The following ODAD2 variants were observed in gnomAD, a reference collection of about 807,000 sequenced individuals.
The protein encoded by ODAD2 is outer dynein arm docking complex subunit 2.
A neutral mutation model predicts 106.8 loss-of-function variants in ODAD2; 89 were observed. That is an observed-to-expected ratio of 0.83 (90% confidence interval 0.70 to 0.99). ODAD2 has a LOEUF of 0.99. Ranked by LOEUF, ODAD2 falls within the 50% of genes least tolerant of loss-of-function variation. The pLI is 0.00. For synonymous variants in ODAD2, 404 were observed against 436.2 expected (o/e 0.93, Z 0.92); for missense variants, 1,168 against 1,238.5 (o/e 0.94, Z 0.85).
rs186030758 is a variant in ODAD2 at position 27,963,100 on chromosome 10, C to T, written c.1239-1385G>A. The stretch of plus-strand genomic sequence containing the variant: ...TTGGCTCACTGCAACCTCCGCCTGC[C>T]GGGTTCATGTGATTCTCCTGCCTCA... On this transcript the variant is annotated intron_variant, in intron 9 of 19. Coordinates refer to ENST00000305242, the MANE Select transcript of ODAD2 (RefSeq NM_018076.5). Among the ~76,000 whole-genome samples, 888 of 151,874 alleles carry T rather than the reference C, an allele frequency of 5.8e-3. 5 individuals are homozygous for T. Among genetic ancestry groups the T allele is most frequent in the African/African-American group, 0.02 (839 of 41,396 alleles).
At chr10:27,954,621 C>T (rs1307671638) in intron 10 of ODAD2, among the ~76,000 whole-genome samples, 9 of 152,190 alleles carry the variant, frequency 5.9e-5, no homozygotes, top group African/African-American at 1.4e-4. Flanking sequence ...AGCTAGTGGT[C>T]GCATAAACTG....
intron 1 of ODAD2, 101 bp downstream of exon 1, chr10:27,998,893 C>G (rs1850720394): frequency 6.5e-6 from 1 of 152,956 alleles, no homozygotes; most frequent in South Asian, 2.0e-4. Context: ...CGCCGGCGCC[C>G]TTGTGGGAGG....
intron 10 of ODAD2, chr10:27,958,889 G>T: frequency 4.6e-6 from 6 of 1,303,886 alleles, no homozygotes; most frequent in Non-Finnish European, 6.1e-6. Context: ...TCTTTCCAAC[G>T]TCAAAGATCA....
At chr10:27,881,272 T>G (rs1841687722) in intron 17 of ODAD2, among the ~76,000 whole-genome samples, 1 of 152,184 alleles carries the variant, frequency 6.6e-6, no homozygotes, top group Non-Finnish European at 1.5e-5. Flanking sequence ...TGATTCCACA[T>G]GTCATTAACC....
At chr10:27,862,373 A>G (rs542089225) in intron 18 of ODAD2, 61 bp downstream of exon 18, 6 of 1,349,680 alleles carry the variant, frequency 4.4e-6, no homozygotes, top group Non-Finnish European at 6.0e-6. Flanking sequence ...CATTGTTTTC[A>G]TCACTACACC....
chr10:27,850,466 A>G (rs1016193822), intron 19 of ODAD2, among the ~76,000 whole-genome samples: 2 of 142,014 alleles, frequency 1.4e-5, no homozygotes, highest in South Asian at 2.3e-4. Context: ...AAAAAAAAAA[A>G]GAATCACTTG....
chr10:27,866,025 T>C (rs1359870010), intron 17 of ODAD2, among the ~76,000 whole-genome samples: 3 of 152,240 alleles, frequency 2.0e-5, no homozygotes, highest in Non-Finnish European at 4.4e-5. Flanking sequence ...CTTTGTAAAA[T>C]TCTACAATAA....
At chr10:27,928,083 T>C (rs374383954) in intron 16 of ODAD2, among the ~76,000 whole-genome samples, 3 of 152,100 alleles carry the variant, frequency 2.0e-5, no homozygotes, top group Admixed American at 2.0e-4. Context: ...TATTATACAA[T>C]AAGCATTTGT....
chr10:27,938,663 G>C (rs376615534), intron 14 of ODAD2, among the ~76,000 whole-genome samples: 2 of 150,182 alleles, frequency 1.3e-5, no homozygotes, highest in Non-Finnish European at 3.0e-5. Flanking sequence ...CCAGTGGCGC[G>C]ATCTTGGCTC....
chr10:27,932,484 T>C (rs1004140120), intron 16 of ODAD2, among the ~76,000 whole-genome samples: 2 of 152,216 alleles, frequency 1.3e-5, no homozygotes, highest in African/African-American at 2.4e-5. Context: ...GATTAAAAGA[T>C]GATTTGTGAT....
intron 6 of ODAD2, 69 bp from the exon 7 acceptor site, chr10:27,981,651 C>T: frequency 9.3e-7 from 1 of 1,080,684 alleles, no homozygotes; most frequent in Non-Finnish European, 1.3e-6. Flanking sequence ...ATCAATACAT[C>T]ACAAGCTAGC....
At chr10:27,844,785 C>G (rs575140872) in intron 19 of ODAD2, among the ~76,000 whole-genome samples, 1 of 152,180 alleles carries the variant, frequency 6.6e-6, no homozygotes. Flanking sequence ...TTTTACTATA[C>G]TTAGCTTTTC....
chr10:27,923,987 A>AAAGT (rs1844993414), intron 16 of ODAD2, among the ~76,000 whole-genome samples: 1 of 139,796 alleles, frequency 7.2e-6, no homozygotes, highest in Non-Finnish European at 1.5e-5. Context: ...AGAAAGAAAG[A>AAAGT]AAGAAAGAAA....
intron 16 of ODAD2, among the ~76,000 whole-genome samples, chr10:27,913,989 C>T (rs1409428420): frequency 6.6e-6 from 1 of 151,942 alleles, no homozygotes; most frequent in African/African-American, 2.4e-5. Flanking sequence ...AGGTATAAAC[C>T]CAAAGGAATA....
Position 27,855,202 on chromosome 10 carries a change from T to TA in ODAD2, c.3021+5422dup, listed in dbSNP as rs199728791. Reference sequence around the variant, plus strand: ...TAAAGCTGTCAAGATCTCTTAAAATTAAAAAAAAATTGAAATAAGAAAAGC... The same window carrying TA: ...TAAAGCTGTCAAGATCTCTTAAAATTAAAAAAAAAATTGAAATAAGAAAAGC... On this transcript the variant is annotated intron_variant, in intron 19 of 19. Transcript: ENST00000305242. Among the ~76,000 whole-genome samples, 763 of 151,500 alleles carry TA rather than the reference T, an allele frequency of 5.0e-3. 4 individuals are homozygous for TA. Among genetic ancestry groups the TA allele is most frequent in the African/African-American group, 0.017 (695 of 41,328 alleles).
At chr10:27,951,380 C>T (rs149245065) in intron 10 of ODAD2, among the ~76,000 whole-genome samples, 3 of 152,062 alleles carry the variant, frequency 2.0e-5, no homozygotes, top group Non-Finnish European at 4.4e-5. Context: ...GTAATTAAAA[C>T]AGCATGTAAC....
intron 15 of ODAD2, among the ~76,000 whole-genome samples, chr10:27,936,139 G>C (rs1446751765): frequency 2.0e-5 from 3 of 152,122 alleles, no homozygotes; most frequent in Non-Finnish European, 4.4e-5. Context: ...TAATCAGATG[G>C]AGTCAAGGAG....
At chr10:27,836,523 C>T (rs1240587369) in intron 19 of ODAD2, among the ~76,000 whole-genome samples, 1 of 152,068 alleles carries the variant, frequency 6.6e-6, no homozygotes, top group African/African-American at 2.4e-5. Flanking sequence ...TGATTTTTTG[C>T]AAAACTCATC....
At chr10:27,983,775 C>T in intron 6 of ODAD2, 68 bp downstream of exon 6, 1 of 1,449,792 alleles carries the variant, frequency 6.9e-7, no homozygotes, top group East Asian at 2.3e-5. Flanking sequence ...TGGGACACAC[C>T]CTTGAGACAT....
Sources: gnomAD v4.1 joint callset for allele counts (sites outside exome capture counted in the v4.1 genomes callset) on GRCh38, gnomAD v4.1.1 for gene constraint, MANE v1.5 for transcripts, NCBI Gene and HGNC (gene_info 2026-07-23, HGNC 2026-07-21) for gene names.